TSEN2: variants seen among roughly 807,000 people sequenced by gnomAD.
The protein encoded by TSEN2 is tRNA splicing endonuclease subunit 2.
A neutral mutation model predicts 59.2 loss-of-function variants in TSEN2; 54 were observed. That is an observed-to-expected ratio of 0.91 (90% CI 0.73 to 1.14). TSEN2 has a LOEUF of 1.14. TSEN2 is among the 50% of genes most tolerant of loss of function. The pLI is 0.00. For missense variants in TSEN2, 636 were observed against 576.2 expected (o/e 1.10, Z -1.06); for synonymous variants, 195 against 198.2 (o/e 0.98, Z 0.14).
intron 4 of TSEN2, among the ~76,000 whole-genome samples, chr3:12,498,456 A>C (rs181374389): frequency 6.6e-6 from 1 of 151,910 alleles, no homozygotes; most frequent in Admixed American, 6.6e-5. Flanking sequence ...TTTTCCTTCA[A>C]TTCTCCTCTA....
At chr3:12,522,108 A>C (rs892315039) in intron 8 of TSEN2, among the ~76,000 whole-genome samples, 1 of 152,190 alleles carries the variant, frequency 6.6e-6, no homozygotes, top group Non-Finnish European at 1.5e-5. Flanking sequence ...ATAATTGTTC[A>C]TTTTATTAAT....
At chr3:12,520,349 T>G (rs17036884) in intron 8 of TSEN2, among the ~76,000 whole-genome samples, 2,840 of 152,294 alleles carry the variant, frequency 0.019, 48 homozygotes, top group South Asian at 0.059. Context: ...AAGTAGGTCA[T>G]TGCCCATAAT....
intron 8 of TSEN2, among the ~76,000 whole-genome samples, chr3:12,528,571 T>G (rs1241549436): frequency 6.6e-6 from 1 of 152,098 alleles, no homozygotes; most frequent in Non-Finnish European, 1.5e-5. Flanking sequence ...AAATTTTAAA[T>G]TAGCTGCGTG....
rs1369146407 is a variant in TSEN2 at position 12,533,645 on chromosome 3, G to GC, written c.*925dup. ...ACTGCAATCCAGCCTGAGCAATAGA[G>GC]CAAGGTCCTGTCTCAAAAAAAAAAA... is the stretch of plus-strand genomic sequence containing the variant. On this transcript the variant is annotated 3_prime_UTR_variant, in exon 12 of 12. Coordinates refer to ENST00000284995, the MANE Select transcript of TSEN2 (RefSeq NM_025265.4). 6 of 114,682 alleles carry GC rather than the reference G, an allele frequency of 5.2e-5. No homozygotes were observed. The highest frequency in any genetic ancestry group is 9.8e-5 in the Non-Finnish European group (6 of 60,924). The allele number at this position is 114,682 out of a possible 1,614,324, so 7.1% of individuals were successfully genotyped here. A position where few individuals can be genotyped will look rare whatever the true frequency, so the allele number is the denominator to read the frequency against.
chr3:12,490,281 T>C (rs2053082881), intron 2 of TSEN2, among the ~76,000 whole-genome samples: 1 of 152,230 alleles, frequency 6.6e-6, no homozygotes, highest in African/African-American at 2.4e-5. Context: ...AAGCAATGCA[T>C]GTTTGTTAAA....
intron 6 of TSEN2, among the ~76,000 whole-genome samples, chr3:12,512,152 A>G (rs1045799067): frequency 2.0e-5 from 3 of 152,228 alleles, no homozygotes; most frequent in African/African-American, 7.2e-5. Flanking sequence ...TTAGCAATGT[A>G]TGTTCCTCAT....
intron 10 of TSEN2, chr3:12,531,030 C>T (rs114114731): frequency 1.3e-5 from 2 of 154,380 alleles, no homozygotes; most frequent in African/African-American, 4.8e-5. Flanking sequence ...GTGGAAGGCA[C>T]CTCTTCAGAG....
intron 6 of TSEN2, among the ~76,000 whole-genome samples, chr3:12,506,158 G>T (rs299652): frequency 6.7e-6 from 1 of 150,112 alleles, no homozygotes; most frequent in Non-Finnish European, 1.5e-5. Context: ...AGTACAAGTC[G>T]CTATTGTTTG....
At chr3:12,480,798 T>C (rs1426178299), upstream of TSEN2, among the ~76,000 whole-genome samples, 1 of 151,872 alleles carries the variant, frequency 6.6e-6, no homozygotes, top group Non-Finnish European at 1.5e-5. Context: ...CCTCCCAGAG[T>C]TCTGGGATTA....
chr3:12,481,443 C>T (rs1274981870), upstream of TSEN2, among the ~76,000 whole-genome samples: 8 of 152,210 alleles, frequency 5.3e-5, no homozygotes, highest in Non-Finnish European at 1.2e-4. Flanking sequence ...CTTGTTTCAG[C>T]TCTCATACCA....
At chr3:12,480,250 G>T (rs2052176337), upstream of TSEN2, among the ~76,000 whole-genome samples, 1 of 152,042 alleles carries the variant, frequency 6.6e-6, no homozygotes, top group Non-Finnish European at 1.5e-5. Flanking sequence ...CTCCTGCCCC[G>T]GCCAGGCCCA....
intron 8 of TSEN2, among the ~76,000 whole-genome samples, chr3:12,527,102 C>T (rs1397804318): frequency 1.3e-5 from 2 of 152,174 alleles, no homozygotes; most frequent in African/African-American, 4.8e-5. Flanking sequence ...GGTTTCTTTC[C>T]AGTACACTCC....
chr3:12,498,276 A>T (rs2053952924), intron 4 of TSEN2, among the ~76,000 whole-genome samples: 1 of 152,132 alleles, frequency 6.6e-6, no homozygotes, highest in Admixed American at 6.5e-5. Context: ...ATGTTGTCCT[A>T]CTATTCCTTA....
At chr3:12,480,581 A>C (rs1273537680), upstream of TSEN2, among the ~76,000 whole-genome samples, 1 of 118,236 alleles carries the variant, frequency 8.5e-6, no homozygotes. Context: ...CCCAGGCTGG[A>C]GTGTAGTGGC....
rs2052382406 is a variant in TSEN2 at position 12,484,509 on chromosome 3, C to G, written c.-389C>G. 1 of 152,248 alleles carries G rather than the reference C, an allele frequency of 6.6e-6. No homozygotes were observed. The highest frequency in any genetic ancestry group is 6.5e-5 in the Admixed American group (1 of 15,286). 9.4% of individuals were successfully genotyped at this position (152,248 alleles called of 1,614,324 possible). ...CCGGGGTAACGGCGAGCGCGTGGGG[C>G]CAAGAAAGGTAAGGGCCCTGGGCGA... On this transcript the variant is annotated 5_prime_UTR_variant, in exon 1 of 12. Coordinates refer to ENST00000284995, the MANE Select transcript of TSEN2 (RefSeq NM_025265.4).
intron 4 of TSEN2, 78 bp downstream of exon 4, chr3:12,496,632 G>A: frequency 2.1e-6 from 3 of 1,435,274 alleles, no homozygotes; most frequent in South Asian, 2.3e-5. Flanking sequence ...GTCCCATGTA[G>A]CAGTCCAGTC....
Position 12,528,886 on chromosome 3 carries a change from A to C in TSEN2, c.1100-2A>C, listed in dbSNP as rs764053163. ...CTTCTTTTTTTTCTTTCTTCTTTGC[A>C]GTGCTATATCGGAAAGGCCCTCCAT... On this transcript the variant is annotated splice_acceptor_variant, in intron 8 of 11. Coordinates refer to ENST00000284995, the MANE Select transcript of TSEN2 (RefSeq NM_025265.4). LOFTEE classifies it high-confidence loss of function. The C allele has an allele frequency of 8.1e-6, 13 of 1,613,708 alleles. No individual in the cohort carries two copies. Among genetic ancestry groups the C allele is most frequent in the Non-Finnish European group, 1.0e-5 (12 of 1,179,932 alleles).
At chr3:12,490,866 G>T (rs1334176225) in intron 2 of TSEN2, among the ~76,000 whole-genome samples, 1 of 152,178 alleles carries the variant, frequency 6.6e-6, no homozygotes, top group Non-Finnish European at 1.5e-5. Context: ...GGTGAGGCAG[G>T]AGTCTCAGTA....
chr3:12,485,671 A>G (rs187528356), intron 1 of TSEN2, among the ~76,000 whole-genome samples: 45 of 152,284 alleles, frequency 3.0e-4, no homozygotes, highest in Non-Finnish European at 4.4e-5. Context: ...CTTGAGGGCC[A>G]CTGTGTGATG....
Sources: allele counts gnomAD v4.1 joint callset (sites outside exome capture counted in the v4.1 genomes callset), GRCh38; gene constraint gnomAD v4.1.1; transcripts MANE v1.5; gene names NCBI Gene and HGNC (gene_info 2026-07-23, HGNC 2026-07-21).